The following PTPRD variants were observed in gnomAD, a reference collection of about 807,000 sequenced individuals.
PTPRD encodes receptor-type tyrosine-protein phosphatase delta.
A neutral mutation model predicts 214.5 loss-of-function variants in PTPRD; 34 were observed. That is an observed-to-expected ratio of 0.16 (90% CI 0.12 to 0.21). The LOEUF (loss-of-function observed/expected upper bound fraction) is 0.21. Ranked by LOEUF, PTPRD falls within the 10% of genes least tolerant of loss-of-function variation. PTPRD has a pLI of 1.00. For synonymous variants in PTPRD, 1,128 were observed against 845.7 expected (o/e 1.33, Z -5.79); for missense variants, 2,545 against 2,398.7 (o/e 1.06, Z -1.27).
intron 35 of PTPRD, among the ~76,000 whole-genome samples, chr9:8,422,124 G>A (rs550009718): frequency 1.7e-5 from 2 of 119,646 alleles, no homozygotes; most frequent in African/African-American, 6.1e-5. Context: ...TTCAGCCTGG[G>A]TGAAAGAGAG....
intron 3 of PTPRD, among the ~76,000 whole-genome samples, chr9:10,065,141 TAGAAAGAAAGAA>T (rs554379074): frequency 5.0e-4 from 53 of 106,842 alleles, no homozygotes; most frequent in South Asian, 1.8e-3. Flanking sequence ...TGACTTGGAT[TAGAAAGAAAGAA>T]AGAAAGAAAG....
intron 3 of PTPRD, among the ~76,000 whole-genome samples, chr9:10,293,056 G>C (rs959609173): frequency 6.6e-6 from 1 of 151,880 alleles, no homozygotes; most frequent in African/African-American, 2.4e-5. Context: ...TAGGAACACT[G>C]TGAAGGAAGT....
chr9:9,421,449 C>T (rs375095770), intron 8 of PTPRD, among the ~76,000 whole-genome samples: 3 of 152,118 alleles, frequency 2.0e-5, no homozygotes, highest in Admixed American at 6.6e-5. Context: ...TTTCTGAAAA[C>T]GAGTTGTTAA....
intron 10 of PTPRD, among the ~76,000 whole-genome samples, chr9:9,024,891 T>C (rs1418992843): frequency 2.0e-5 from 3 of 151,982 alleles, no homozygotes; most frequent in Non-Finnish European, 2.9e-5. Context: ...AGATTCATCC[T>C]AAAAACCAAG....
intron 4 of PTPRD, among the ~76,000 whole-genome samples, chr9:9,947,827 C>A (rs905407256): frequency 1.3e-5 from 2 of 149,268 alleles, no homozygotes; most frequent in Non-Finnish European, 3.0e-5. Context: ...GTAATGGTGC[C>A]TACTAAGCTT....
intron 3 of PTPRD, among the ~76,000 whole-genome samples, chr9:10,131,358 A>G (rs1296671474): frequency 1.3e-5 from 2 of 152,150 alleles, no homozygotes. Context: ...GCAGTAGTTC[A>G]GTGCACTATT....
rs1356554329 is a variant in PTPRD, at chr9:9,372,133, T to G, written c.-203+25316A>C. 3.3e-5 allele frequency among the ~76,000 whole-genome samples: 5 copies of G among 152,278 alleles called. No individual in the cohort carries two copies. The East Asian group carries it at 9.7e-4, about 29-fold the overall frequency. On this transcript the variant is annotated intron_variant, in intron 9 of 45. Transcript: ENST00000381196. ...TTCTGTAGATGTCTATTAGGTCCGC[T>G]TGGTGCAGAGCTGAGTTCAATTCCT...
intron 5 of PTPRD, among the ~76,000 whole-genome samples, chr9:9,876,163 C>T (rs923581728): frequency 5.9e-5 from 9 of 152,004 alleles, no homozygotes; most frequent in African/African-American, 2.2e-4. Flanking sequence ...ACCTGAGTTC[C>T]AATGGTGAGT....
chr9:10,535,828 C>T (rs1354049058), intron 2 of PTPRD, among the ~76,000 whole-genome samples: 2 of 152,032 alleles, frequency 1.3e-5, no homozygotes, highest in East Asian at 1.9e-4. Context: ...TGAATCCAGG[C>T]ATATGGAATA....
chr9:8,445,887 C>T (rs2095706330), intron 34 of PTPRD, among the ~76,000 whole-genome samples: 1 of 152,072 alleles, frequency 6.6e-6, no homozygotes, highest in Non-Finnish European at 1.5e-5. Context: ...GGGCTTCAGC[C>T]CTGAAGTACC....
intron 2 of PTPRD, among the ~76,000 whole-genome samples, chr9:10,348,280 C>T (rs1157061836): frequency 6.6e-6 from 1 of 152,136 alleles, no homozygotes; most frequent in African/African-American, 2.4e-5. Flanking sequence ...AATATCCATT[C>T]ACCTATGCCA....
chr9:8,617,090 C>T (rs910745254), intron 14 of PTPRD, among the ~76,000 whole-genome samples: 2 of 152,078 alleles, frequency 1.3e-5, no homozygotes, highest in South Asian at 4.1e-4. Flanking sequence ...CAATCTGGCT[C>T]TTCTATAAGA....
chr9:8,604,823 G>C (rs1461092065), intron 14 of PTPRD, among the ~76,000 whole-genome samples: 1 of 152,140 alleles, frequency 6.6e-6, no homozygotes. Flanking sequence ...GCCATTAACT[G>C]AGATGGAAAA....
intron 4 of PTPRD, among the ~76,000 whole-genome samples, chr9:9,977,670 G>A (rs1203510911): frequency 6.6e-6 from 1 of 151,990 alleles, no homozygotes; most frequent in Non-Finnish European, 1.5e-5. Context: ...ATCAATTCGC[G>A]TTTGATGATT....
At chr9:9,490,671 T>C (rs538235305) in intron 8 of PTPRD, among the ~76,000 whole-genome samples, 4 of 152,028 alleles carry the variant, frequency 2.6e-5, no homozygotes, top group African/African-American at 7.2e-5. Context: ...TAGAGTGTTA[T>C]AAATTCAGGA....
At chr9:10,568,629 C>T (rs971064669) in intron 2 of PTPRD, among the ~76,000 whole-genome samples, 2 of 152,068 alleles carry the variant, frequency 1.3e-5, no homozygotes, top group African/African-American at 4.8e-5. Flanking sequence ...ATATCTACAA[C>T]TATCTGATTG....
chr9:10,179,016 A>G lies in PTPRD; in HGVS notation c.-544-145226T>C, dbSNP rs376666384. Among the ~76,000 whole-genome samples the G allele has an allele frequency of 2.6e-5, 4 of 152,164 alleles. No homozygotes were observed. In the South Asian group the frequency reaches 6.2e-4, roughly 24 times the overall value. On this transcript the variant is annotated intron_variant, in intron 3 of 45. Coordinates refer to ENST00000381196, the MANE Select transcript of PTPRD (RefSeq NM_002839.4). ...TGAAATATGATAAAATAGTTCATGA[A>G]CAATCAAATAAGAGAGATTAAAAAT...
chr9:8,842,144 C>A (rs75327370), intron 11 of PTPRD, among the ~76,000 whole-genome samples: 2,612 of 151,112 alleles, frequency 0.017, 66 homozygotes, highest in African/African-American at 0.061. Flanking sequence ...GCAAAAAAAA[C>A]TGCAATAAAA....
intron 9 of PTPRD, among the ~76,000 whole-genome samples, chr9:9,354,570 T>C (rs1041121948): frequency 6.6e-6 from 1 of 151,792 alleles, no homozygotes; most frequent in African/African-American, 2.4e-5. Context: ...CATCAGTGAA[T>C]GAAACAAAGT....
Sources: gnomAD v4.1 joint callset for allele counts (sites outside exome capture counted in the v4.1 genomes callset) on GRCh38, gnomAD v4.1.1 for gene constraint, MANE v1.5 for transcripts, NCBI Gene and HGNC (gene_info 2026-07-23, HGNC 2026-07-21) for gene names.